The following TEX2 variants were observed in gnomAD, a reference collection of about 807,000 sequenced individuals.
TEX2 encodes testis-expressed protein 2.
Under a neutral mutation model 106.9 loss-of-function variants are expected in TEX2, and 53 were observed. That is an observed-to-expected ratio of 0.50 (90% CI 0.40 to 0.62). The LOEUF (loss-of-function observed/expected upper bound fraction) is 0.62. Among genes scored for constraint, TEX2 ranks in the 20% least tolerant of loss-of-function variants. TEX2 has a pLI of 0.00. For missense variants in TEX2, 1,207 were observed against 1,379.0 expected, an observed-to-expected ratio of 0.88 and a Z score of 1.98; for synonymous variants, 523 against 534.8, an observed-to-expected ratio of 0.98 and a Z score of 0.30.
chr17:64,199,979 A>G lies in TEX2; in HGVS notation c.1645-4884T>C, dbSNP rs368293951. Among the ~76,000 whole-genome samples, 102 of 152,370 alleles carry G rather than the reference A, an allele frequency of 6.7e-4. 1 individual carries two copies. The East Asian group carries it at 0.015, about 22-fold the overall frequency. On this transcript the variant is annotated intron_variant, in intron 2 of 11. Transcript: ENST00000584379. ...GTACATGGCAGTTTTCTGCCATTTTATTAGATGCTTTGCATAATTAAATGA... is the reference window on the plus strand; with the variant it reads ...GTACATGGCAGTTTTCTGCCATTTTGTTAGATGCTTTGCATAATTAAATGA...
At chr17:64,155,301 C>T (rs186816979) in intron 8 of TEX2, 37 of 208,660 alleles carry the variant, frequency 1.8e-4, no homozygotes, top group Admixed American at 1.3e-3. Flanking sequence ...TTTCAACCAG[C>T]AGTGCAGCGG....
At position 64,153,597 on chromosome 17, in the gene TEX2, G is replaced by A. The variant is rs189531943; in HGVS notation, c.2931-443C>T. Among the ~76,000 whole-genome samples the A allele has an allele frequency of 6.3e-4, 96 of 152,238 alleles. 2 individuals carry two copies. The highest frequency in any genetic ancestry group is 2.3e-3 in the African/African-American group (95 of 41,536). On this transcript the variant is annotated intron_variant, in intron 9 of 11. Coordinates refer to ENST00000584379, the MANE Select transcript of TEX2 (RefSeq NM_001288732.2). This position sits in a 1 kb window ranked among gnomAD's most constrained non-coding sequence, Gnocchi z 4.1. Reference sequence around the variant, plus strand: ...GACATATCAATCTCATAATCTCCATGCAGCAAGTAACAAATCATGCTGCAT... The same window carrying A: ...GACATATCAATCTCATAATCTCCATACAGCAAGTAACAAATCATGCTGCAT...
Position 64,212,749 on chromosome 17 carries a change from G to A in TEX2, c.1469C>T (p.Pro490Leu). ...GAGTCCACTCACATAGTGGGGGAGG[G>A]GGAGGATGAGGTACACATAGACACA... is the stretch of plus-strand genomic sequence containing the variant. The part of the protein sequence containing the change: ...IMCVYVYLIL[P>L]LPHYVSGLFL... The change falls in exon 2 of 12, where the codon CCC becomes CTC. Residue 490 changes from proline to leucine, a missense_variant. This residue lies in a region of TEX2 where 1,067 missense variants were observed against 1,193.6 expected (regional missense o/e 0.89). Coordinates refer to ENST00000584379, the MANE Select transcript of TEX2 (RefSeq NM_001288732.2). 6.2e-7 allele frequency: 1 copy of A among 1,614,144 alleles called. No individual in the cohort carries two copies. Among genetic ancestry groups the A allele is most frequent in the Non-Finnish European group, 8.5e-7 (1 of 1,180,016 alleles).
intron 1 of TEX2, among the ~76,000 whole-genome samples, chr17:64,238,154 G>A (rs1455529687): frequency 3.3e-5 from 5 of 152,204 alleles, no homozygotes; most frequent in African/African-American, 1.2e-4. Flanking sequence ...ACAAAAATTA[G>A]CTGGGCATGG....
intron 3 of TEX2, among the ~76,000 whole-genome samples, chr17:64,194,115 C>G (rs938185779): frequency 2.6e-5 from 4 of 151,936 alleles, no homozygotes; most frequent in Admixed American, 6.6e-5. Flanking sequence ...AATAATTTTG[C>G]GAGAGTTATA....
At chr17:64,202,450 C>T (rs1165837698) in intron 2 of TEX2, among the ~76,000 whole-genome samples, 3 of 152,304 alleles carry the variant, frequency 2.0e-5, no homozygotes, top group Non-Finnish European at 2.9e-5. Flanking sequence ...AGCAATTTCC[C>T]GGTGCAAACC....
chr17:64,183,757 A>C lies in TEX2; in HGVS notation c.2424+4411T>G, dbSNP rs576222756. 4.7e-3 allele frequency among the ~76,000 whole-genome samples: 719 copies of C among 152,082 alleles called. 3 individuals are homozygous for C. Among genetic ancestry groups the C allele is most frequent in the Non-Finnish European group, 8.4e-3 (573 of 67,968 alleles). ...ATTCCAATTTCTCTACATCCTCACT[A>C]ATACTTGTTATCATCTATCTTTTTA... On this transcript the variant is annotated intron_variant, in intron 5 of 11. Transcript: ENST00000584379.
intron 1 of TEX2, among the ~76,000 whole-genome samples, chr17:64,229,643 T>C (rs1378553976): frequency 6.6e-6 from 1 of 152,216 alleles, no homozygotes; most frequent in African/African-American, 2.4e-5. Flanking sequence ...GAAATCTTTT[T>C]AGAAAACGCT....
rs2030189486 is a variant in TEX2 at position 64,148,752 on chromosome 17, C to G, written c.*217G>C. On this transcript the variant is annotated 3_prime_UTR_variant, in exon 12 of 12. Transcript: ENST00000584379. The stretch of plus-strand genomic sequence containing the variant: ...ATGATTCTTCCATGGTCTCCTTTGC[C>G]AAATCAAAGCTTTGCAGCAGGCAAT... The G allele has an allele frequency of 1.8e-5, 10 of 543,116 alleles. No homozygotes were observed. The South Asian group carries it at 2.6e-4, about 14-fold the overall frequency. The allele number at this position is 543,116 out of a possible 1,614,324, so 33.6% of individuals were successfully genotyped here.
At chr17:64,211,992 T>C (rs1309034665) in intron 2 of TEX2, among the ~76,000 whole-genome samples, 1 of 152,218 alleles carries the variant, frequency 6.6e-6, no homozygotes, top group Admixed American at 6.5e-5. Context: ...ATCGACAGAT[T>C]AGACAGCTAG....
chr17:64,262,014 TAA>T (rs1235856416), intron 1 of TEX2, among the ~76,000 whole-genome samples: 1 of 152,234 alleles, frequency 6.6e-6, no homozygotes, highest in Non-Finnish European at 1.5e-5. Flanking sequence ...GTTTTCCATA[TAA>T]AAGTCACTCG....
intron 7 of TEX2, among the ~76,000 whole-genome samples, chr17:64,166,499 T>A (rs907535214): frequency 6.6e-6 from 1 of 152,214 alleles, no homozygotes; most frequent in East Asian, 1.9e-4. Flanking sequence ...CCCGGGCAAG[T>A]CACCCCTCTC....
chr17:64,165,798 C>T (rs1224640328), intron 7 of TEX2, among the ~76,000 whole-genome samples: 1 of 152,148 alleles, frequency 6.6e-6, no homozygotes, highest in African/African-American at 2.4e-5. Flanking sequence ...AATATCAGTC[C>T]AGATGACTAA....
chr17:64,173,013 A>G (rs1211023225), intron 6 of TEX2, among the ~76,000 whole-genome samples: 1 of 152,206 alleles, frequency 6.6e-6, no homozygotes, highest in Non-Finnish European at 1.5e-5. Context: ...TTAATGTAAG[A>G]TGTAAATTAG....
intron 10 of TEX2, among the ~76,000 whole-genome samples, chr17:64,151,253 A>G (rs772708893): frequency 6.6e-6 from 1 of 152,150 alleles, no homozygotes; most frequent in Non-Finnish European, 1.5e-5. Flanking sequence ...GTTTTTTTCT[A>G]AAATGGCAAT....
intron 7 of TEX2, among the ~76,000 whole-genome samples, chr17:64,165,724 T>A (rs2031102175): frequency 6.6e-6 from 1 of 152,160 alleles, no homozygotes; most frequent in African/African-American, 2.4e-5. Flanking sequence ...AGGTAGTGGA[T>A]CCTGGTAGGA....
In TEX2 at chr17:64,222,596, G is replaced by C. The variant is rs532736861; in HGVS notation, c.-25-8354C>G. Among the ~76,000 whole-genome samples the C allele has an allele frequency of 1.1e-4, 16 of 150,308 alleles. No homozygotes were observed. The South Asian group carries it at 3.4e-3, about 32-fold the overall frequency. On this transcript the variant is annotated intron_variant, in intron 1 of 11. Transcript: ENST00000584379. Reference sequence around the variant, plus strand: ...AAGGCTAGGAGTTTGAGACCAGCCTGGTCAACACAGGAGACCCATCACTAT... The same window carrying C: ...AAGGCTAGGAGTTTGAGACCAGCCTCGTCAACACAGGAGACCCATCACTAT...
chr17:64,202,486 AG>A (rs2032703470), intron 2 of TEX2, among the ~76,000 whole-genome samples: 1 of 152,206 alleles, frequency 6.6e-6, no homozygotes, highest in Non-Finnish European at 1.5e-5. Context: ...ACCATTAATC[AG>A]CCATTTCCCC....
At chr17:64,168,681 T>A (rs1811646) in intron 7 of TEX2, among the ~76,000 whole-genome samples, 121,553 of 152,202 alleles carry the variant, frequency 0.8, 48,621 homozygotes, top group Admixed American at 0.85. Flanking sequence ...AGAGGCTGCT[T>A]ACACATTAGA....
Sources: allele counts gnomAD v4.1 joint callset (sites outside exome capture counted in the v4.1 genomes callset), GRCh38; gene constraint gnomAD v4.1.1; regional missense constraint gnomAD v4.1.1; non-coding constraint Gnocchi (gnomAD v3.1); transcripts MANE v1.5; gene names NCBI Gene and HGNC (gene_info 2026-07-23, HGNC 2026-07-21).